The following SHROOM3 variants were observed in gnomAD, a reference collection of about 807,000 sequenced individuals.
SHROOM3 encodes the protein shroom family member 3.
In SHROOM3, 47 loss-of-function variants were observed where a neutral mutation model predicts 138.6. That is an observed-to-expected ratio of 0.34 (90% CI 0.27 to 0.43). The LOEUF (loss-of-function observed/expected upper bound fraction) is 0.43, where lower values mean the gene tolerates loss of function less well. SHROOM3 is among the 20% of genes least tolerant of loss of function. The pLI, the probability that SHROOM3 is intolerant of heterozygous loss-of-function variation, is 1.00. For synonymous variants in SHROOM3, 1,062 were observed against 1,063.3 expected, an observed-to-expected ratio of 1.00 and a Z score of 0.02; for missense variants, 2,491 against 2,596.5, an observed-to-expected ratio of 0.96 and a Z score of 0.88.
chr4:76,698,418 T>C (rs565198603), intron 2 of SHROOM3, among the ~76,000 whole-genome samples: 1 of 152,292 alleles, frequency 6.6e-6, no homozygotes, highest in Non-Finnish European at 1.5e-5. Flanking sequence ...ACCCATTTTT[T>C]CCCAATGAAT....
At chr4:76,698,140 T>A (rs1719800610) in intron 2 of SHROOM3, among the ~76,000 whole-genome samples, 1 of 152,074 alleles carries the variant, frequency 6.6e-6, no homozygotes. Flanking sequence ...CCCCTTTGGG[T>A]GATAGCAAAG....
intron 2 of SHROOM3, among the ~76,000 whole-genome samples, chr4:76,640,654 C>T (rs372991228): frequency 2.0e-5 from 3 of 152,168 alleles, no homozygotes; most frequent in South Asian, 4.1e-4. Context: ...ATGAGCTCAC[C>T]AGCCCTTGCT....
rs537046639 is a variant in SHROOM3 at position 76,726,851 on chromosome 4, CT to C, written c.456-3947del. ...CCTCATCTCCTTGACAGGAAGACAT[CT>C]TTTTTCCTGTGGAGCCTGTGGAATT... On this transcript the variant is annotated intron_variant, in intron 3 of 10. Transcript: ENST00000296043. Among the ~76,000 whole-genome samples the C allele has an allele frequency of 2.8e-3, 425 of 152,282 alleles. 1 individual carries two copies. The highest frequency in any genetic ancestry group is 9.8e-3 in the African/African-American group (406 of 41,562).
intron 2 of SHROOM3, among the ~76,000 whole-genome samples, chr4:76,644,997 G>A (rs1476637526): frequency 6.6e-6 from 1 of 152,214 alleles, no homozygotes; most frequent in Non-Finnish European, 1.5e-5. Context: ...TAAGGAGACT[G>A]AGGCCTAGAG....
chr4:76,770,313 AAACT>A (rs1560623394), intron 9 of SHROOM3, among the ~76,000 whole-genome samples: 1 of 142,778 alleles, frequency 7.0e-6, no homozygotes, highest in Non-Finnish European at 1.5e-5. Flanking sequence ...GACAAGAGCC[AAACT>A]CTGTCTCAAA....
At chr4:76,587,454 T>C (rs1734178617) in intron 2 of SHROOM3, among the ~76,000 whole-genome samples, 1 of 152,138 alleles carries the variant, frequency 6.6e-6, no homozygotes, top group Non-Finnish European at 1.5e-5. Flanking sequence ...TGTAAACACC[T>C]TCATGAAAGG....
At chr4:76,682,303 T>TTATC (rs1303867678) in intron 2 of SHROOM3, among the ~76,000 whole-genome samples, 1 of 152,208 alleles carries the variant, frequency 6.6e-6, no homozygotes, top group African/African-American at 2.4e-5. Flanking sequence ...CACTCAATGA[T>TTATC]TATCCCATAT....
intron 2 of SHROOM3, among the ~76,000 whole-genome samples, chr4:76,680,427 C>T (rs1719158654): frequency 6.6e-6 from 1 of 152,212 alleles, no homozygotes; most frequent in Admixed American, 6.5e-5. Flanking sequence ...GCGTAAGCCA[C>T]TGTACCTGGC....
At chr4:76,674,974 G>T (rs1718990709) in intron 2 of SHROOM3, among the ~76,000 whole-genome samples, 1 of 152,090 alleles carries the variant, frequency 6.6e-6, no homozygotes, top group Non-Finnish European at 1.5e-5. Context: ...GGCTGCCAGG[G>T]GTCCTTCTTG....
intron 1 of SHROOM3, among the ~76,000 whole-genome samples, chr4:76,496,861 A>G (rs1324075158): frequency 2.6e-5 from 4 of 152,226 alleles, no homozygotes; most frequent in Non-Finnish European, 2.9e-5. Context: ...ATATACTCTC[A>G]AAGCACCTTA....
intron 2 of SHROOM3, among the ~76,000 whole-genome samples, chr4:76,565,182 A>G (rs1259497184): frequency 2.0e-5 from 3 of 151,156 alleles, no homozygotes; most frequent in Non-Finnish European, 4.4e-5. Flanking sequence ...AAAAAAAAAA[A>G]GAATGGCACT....
chr4:76,695,840 C>T (rs533304650), intron 2 of SHROOM3, among the ~76,000 whole-genome samples: 73 of 152,338 alleles, frequency 4.8e-4, no homozygotes, highest in African/African-American at 1.7e-3. Context: ...ACCATTTCCT[C>T]AGCCACTCAA....
At position 76,483,708 on chromosome 4, in the gene SHROOM3, G is replaced by GCA. The variant is rs1723665193; in HGVS notation, c.168+47490_168+47491dup. Among the ~76,000 whole-genome samples the GCA allele has an allele frequency of 3.9e-5, 6 of 152,214 alleles. No homozygotes were observed. The South Asian group carries it at 1.2e-3, about 32-fold the overall frequency. On this transcript the variant is annotated intron_variant, in intron 1 of 10. Transcript: ENST00000296043. ...CACACGCACACGTATGTTTATTACA[G>GCA]CACTATTCACAATAGCAAAGACTTG... is the stretch of plus-strand genomic sequence containing the variant.
chr4:76,749,434 A>C (rs1377135663), intron 6 of SHROOM3, among the ~76,000 whole-genome samples: 1 of 152,216 alleles, frequency 6.6e-6, no homozygotes, highest in South Asian at 2.1e-4. Flanking sequence ...AACATGTGCT[A>C]CTGAGGACAA....
chr4:76,566,703 G>C (rs751388755), intron 2 of SHROOM3, among the ~76,000 whole-genome samples: 1 of 152,234 alleles, frequency 6.6e-6, no homozygotes, highest in Non-Finnish European at 1.5e-5. Flanking sequence ...GAGAGCAGTA[G>C]TAGGCTCTTA....
intron 5 of SHROOM3, 73 bp from the exon 6 acceptor site, chr4:76,748,944 T>C (rs966730859): frequency 2.0e-6 from 3 of 1,477,266 alleles, no homozygotes; most frequent in Non-Finnish European, 2.8e-6. Flanking sequence ...CTTCTCCTTT[T>C]TACCTCCACC....
intron 1 of SHROOM3, among the ~76,000 whole-genome samples, chr4:76,533,720 C>A (rs2110016900): frequency 6.6e-6 from 1 of 152,252 alleles, no homozygotes; most frequent in Non-Finnish European, 1.5e-5. Context: ...TCTCCTAAAC[C>A]AAATCAGCTG....
chr4:76,614,833 G>A (rs1018997613), intron 2 of SHROOM3, among the ~76,000 whole-genome samples: 1 of 152,330 alleles, frequency 6.6e-6, no homozygotes, highest in Admixed American at 6.5e-5. Context: ...GGAGTCAAAT[G>A]CCATTTGCAG....
intron 1 of SHROOM3, among the ~76,000 whole-genome samples, chr4:76,535,823 C>T (rs1732941030): frequency 6.6e-6 from 1 of 152,202 alleles, no homozygotes; most frequent in Admixed American, 6.5e-5. Context: ...TCTCCTACAG[C>T]ACAGTTTTGA....
Sources: allele counts gnomAD v4.1 joint callset (sites outside exome capture counted in the v4.1 genomes callset), GRCh38; gene constraint gnomAD v4.1.1; transcripts MANE v1.5; gene names NCBI Gene and HGNC (gene_info 2026-07-23, HGNC 2026-07-21).